The following COL9A1 variants were observed in gnomAD, a reference collection of about 807,000 sequenced individuals.
COL9A1 encodes collagen type IX alpha 1 chain.
In COL9A1, 104 loss-of-function variants were observed where a neutral mutation model predicts 142.6. That is an observed-to-expected ratio of 0.73 (90% CI 0.62 to 0.86). The LOEUF is 0.86. COL9A1 is among the 40% of genes least tolerant of loss of function. The pLI, the probability that COL9A1 is intolerant of heterozygous loss-of-function variation, is 0.00. For synonymous variants in COL9A1, 466 were observed against 396.0 expected, an observed-to-expected ratio of 1.18 and a Z score of -2.10; for missense variants, 1,210 against 1,176.6, an observed-to-expected ratio of 1.03 and a Z score of -0.42.
intron 37 of COL9A1, among the ~76,000 whole-genome samples, chr6:70,218,183 GATAA>G (rs1562282478): frequency 6.6e-6 from 1 of 152,158 alleles, no homozygotes; most frequent in Admixed American, 6.5e-5. Flanking sequence ...GGAAGCACCT[GATAA>G]ATAGGGGCTA....
chr6:70,232,719 A>G lies in COL9A1; in HGVS notation c.2367T>C (p.Thr789=), dbSNP rs1490987780. 1 of 1,613,980 alleles carries G rather than the reference A, an allele frequency of 6.2e-7. No individual in the cohort carries two copies. The highest frequency in any genetic ancestry group is 1.7e-5 in the Admixed American group (1 of 60,016). The part of the protein sequence containing the change: ...ASLKRPDSGA[T]GLPGRPGPPG... ...GAGGGCCAGGCCTTCCAGGAAGCCC[A>G]GTGGCACCTGAGTCTGGACGCTTAA... is the stretch of plus-strand genomic sequence containing the variant. The change falls in exon 36 of 38, where the codon ACT becomes ACC. Residue 789 remains threonine (T), a synonymous_variant. Coordinates refer to ENST00000357250, the MANE Select transcript of COL9A1 (RefSeq NM_001851.6).
chr6:70,283,727 G>A lies in COL9A1; in HGVS notation c.780+10C>T. 1.9e-6 allele frequency: 3 copies of A among 1,607,242 alleles called. No individual in the cohort carries two copies. Among genetic ancestry groups the A allele is most frequent in the African/African-American group, 1.3e-5 (1 of 74,902 alleles). Reference sequence around the variant, plus strand: ...TAGAAGTGGCCTTTGCAGGTAGTCAGGGGACTCACCGTTATTCTGGCTGGC... The same window carrying A: ...TAGAAGTGGCCTTTGCAGGTAGTCAAGGGACTCACCGTTATTCTGGCTGGC... On this transcript the variant is annotated intron_variant, in intron 6 of 37. Coordinates refer to ENST00000357250, the MANE Select transcript of COL9A1 (RefSeq NM_001851.6).
chr6:70,259,602 C>T (rs1028825714), intron 20 of COL9A1, among the ~76,000 whole-genome samples: 3 of 152,168 alleles, frequency 2.0e-5, no homozygotes, highest in African/African-American at 7.2e-5. Flanking sequence ...TCCTTCCAGG[C>T]TCCACATCCT....
chr6:70,271,818 G>A, intron 13 of COL9A1, 110 bp from the exon 14 acceptor site: 1 of 1,173,150 alleles, frequency 8.5e-7, no homozygotes, highest in Non-Finnish European at 1.2e-6. Flanking sequence ...ATTAGCTTTG[G>A]TTTCCAATGA....
Position 70,300,091 on chromosome 6 carries a change from T to A in COL9A1, c.251A>T (p.Gln84Leu), listed in dbSNP as rs1386751621. The A allele has an allele frequency of 1.2e-6, 2 of 1,613,862 alleles. No individual in the cohort carries two copies. The highest frequency in any genetic ancestry group is 2.7e-5 in the African/African-American group (2 of 74,922). The change falls in exon 4 of 38, where the codon CAG becomes CTG. Residue 84 changes from glutamine to leucine, a missense_variant. Coordinates refer to ENST00000357250, the MANE Select transcript of COL9A1 (RefSeq NM_001851.6). ...IQRVVGSATL[Q>L]VAYKLGNNVD... The stretch of plus-strand genomic sequence containing the variant: ...ATTATTTCCCAACTTGTAAGCCACC[T>A]GCAATGTAGCTGATCCCACTACTCT...
At chr6:70,300,547 T>C (rs2127608654) in intron 2 of COL9A1, among the ~76,000 whole-genome samples, 161 bp from the exon 3 acceptor site, 1 of 151,896 alleles carries the variant, frequency 6.6e-6, no homozygotes, top group Admixed American at 6.6e-5. Flanking sequence ...TAATAATAAA[T>C]ATTTAAAATT....
chr6:70,217,076 G>C lies in COL9A1; in HGVS notation c.2587C>G (p.Pro863Ala). 1 of 1,613,992 alleles carries C rather than the reference G, an allele frequency of 6.2e-7. No individual in the cohort carries two copies. Among genetic ancestry groups the C allele is most frequent in the African/African-American group, 1.3e-5 (1 of 75,036 alleles). ...TTTCTGCCATAGCTGGCAGGGCCTG[G>C]GTCACCTGAAACACACAGAAGATTG... ...LPGAIGLPGD[P>A]GPASYGRNGR... Residue 863 changes from proline (P) to alanine (A), a missense_variant, in exon 38 of 38, where the codon CCA becomes GCA. Pro to Ala is a conservative substitution (Grantham distance 27). Transcript: ENST00000357250.
rs961499099 is a variant in COL9A1 at position 70,232,751 on chromosome 6, C to A, written c.2335G>T (p.Ala779Ser). 5 of 1,613,162 alleles carry A rather than the reference C, an allele frequency of 3.1e-6. No individual in the cohort carries two copies. The African/African-American group carries it at 6.7e-5, about 22-fold the overall frequency. ...CCTGAGTCTGGACGCTTAAGACTGG[C>A]AGCCATCTCAGCAAAATGTTCTAAA... Reference protein sequence around the residue: ...VIQEHFAEMAASLKRPDSGAT... With the variant: ...VIQEHFAEMASSLKRPDSGAT... Residue 779 changes from alanine to serine, a missense_variant, in exon 36 of 38, where the codon GCC (alanine) becomes TCC (serine). Coordinates refer to ENST00000357250, the MANE Select transcript of COL9A1 (RefSeq NM_001851.6).
intron 2 of COL9A1, 78 bp from the exon 3 acceptor site, chr6:70,300,464 AT>A (rs1774023870): frequency 1.8e-6 from 1 of 558,598 alleles, no homozygotes; most frequent in Non-Finnish European, 2.7e-6. Flanking sequence ...AAATAAAATA[AT>A]AATAATAATA....
At chr6:70,280,487 AC>A in intron 10 of COL9A1, 2 of 1,313,026 alleles carry the variant, frequency 1.5e-6, no homozygotes, top group African/African-American at 3.0e-5. Context: ...TGCCATCCGT[AC>A]CCCCTCTGGC....
downstream of COL9A1, chr6:70,215,078 T>TTTAA (rs1316338014): frequency 1.3e-5 from 2 of 152,206 alleles, no homozygotes; most frequent in Non-Finnish European, 2.9e-5. Context: ...TATGCCTTTA[T>TTTAA]TTAATTATGT....
At position 70,294,216 on chromosome 6, in the gene COL9A1, C is replaced by T. The variant is rs1391084943; in HGVS notation, c.647G>A (p.Gly216Asp). ...IKPRGPIDID[G>D]FAVLGKLADN... ...TGCAAGTTTTCCCAGCACAGCAAAG[C>T]CATCAATGTCAATTGGGCCTCTTGG... is the stretch of plus-strand genomic sequence containing the variant. The change falls in exon 5 of 38, where the codon GGC becomes GAC. Residue 216 changes from glycine (G) to aspartate (D), a missense_variant. Gly to Asp is a moderately conservative substitution (Grantham distance 94). Transcript: ENST00000357250. The T allele has an allele frequency of 6.2e-7, 1 of 1,614,042 alleles. No homozygotes were observed. Among genetic ancestry groups the T allele is most frequent in the East Asian group, 2.2e-5 (1 of 44,880 alleles).
chr6:70,297,578 C>T (rs1487157737), intron 4 of COL9A1, among the ~76,000 whole-genome samples: 1 of 152,070 alleles, frequency 6.6e-6, no homozygotes, highest in Non-Finnish European at 1.5e-5. Context: ...TGCAAATATG[C>T]TATGCACATC....
intron 33 of COL9A1, among the ~76,000 whole-genome samples, chr6:70,236,270 C>G (rs1485833849): frequency 6.6e-6 from 1 of 151,558 alleles, no homozygotes; most frequent in Non-Finnish European, 1.5e-5. Flanking sequence ...TTTTTTTTAG[C>G]TGAAAGCAGA....
At chr6:70,233,013 G>A (rs1385334747) in intron 35 of COL9A1, among the ~76,000 whole-genome samples, 2 of 152,130 alleles carry the variant, frequency 1.3e-5, no homozygotes, top group Non-Finnish European at 2.9e-5. Context: ...GACAGAGTCA[G>A]GGCACGGGGA....
At chr6:70,230,977 G>A (rs184789591) in intron 36 of COL9A1, among the ~76,000 whole-genome samples, 1 of 152,304 alleles carries the variant, frequency 6.6e-6, no homozygotes, top group African/African-American at 2.4e-5. Flanking sequence ...AAATAGGGCT[G>A]TGATGTCTAT....
intron 17 of COL9A1, 82 bp from the exon 18 acceptor site, chr6:70,266,852 A>C: frequency 9.0e-7 from 1 of 1,110,802 alleles, no homozygotes; most frequent in South Asian, 1.2e-5. Context: ...CTGCTTCCCT[A>C]AATCAGTGCC....
chr6:70,269,535 C>T (rs1382025790), intron 16 of COL9A1, 98 bp downstream of exon 16: 1 of 860,666 alleles, frequency 1.2e-6, no homozygotes, highest in East Asian at 2.4e-5. Flanking sequence ...AACACAGACA[C>T]ATAGAATATT....
chr6:70,216,762 T>A lies in COL9A1; in HGVS notation c.*135A>T. 1.1e-6 allele frequency: 1 copy of A among 895,080 alleles called. No homozygotes were observed. Among genetic ancestry groups the A allele is most frequent in the South Asian group, 1.4e-5 (1 of 70,152 alleles). 55.4% of individuals were successfully genotyped at this position (895,080 alleles called of 1,614,324 possible). A position where few individuals can be genotyped will look rare whatever the true frequency, so the allele number is the denominator to read the frequency against. ...ATATGTGATTGTCAAGTAGGACTTC[T>A]GTAATCATACTGAAGGTAATACATT... On this transcript the variant is annotated 3_prime_UTR_variant, in exon 38 of 38. Transcript: ENST00000357250.
Sources: gnomAD v4.1 joint callset for allele counts (sites outside exome capture counted in the v4.1 genomes callset) on GRCh38, gnomAD v4.1.1 for gene constraint, MANE v1.5 for transcripts, NCBI Gene and HGNC (gene_info 2026-07-23, HGNC 2026-07-21) for gene names.